SLX4: variants seen among roughly 807,000 people sequenced by gnomAD.
SLX4 encodes structure-specific endonuclease subunit SLX4.
Under a neutral mutation model 146.2 loss-of-function variants are expected in SLX4, and 112 were observed. The ratio of observed to expected loss-of-function variants is 0.77; its 90% confidence interval spans 0.66 to 0.90. The LOEUF (loss-of-function observed/expected upper bound fraction) is 0.90. SLX4 is among the 40% of genes least tolerant of loss of function. The pLI is 0.00. For missense variants in SLX4, 2,563 were observed against 2,392.7 expected, an observed-to-expected ratio of 1.07 and a Z score of -1.49; for synonymous variants, 1,061 against 997.7, an observed-to-expected ratio of 1.06 and a Z score of -1.20.
In SLX4 at chr16:3,590,360, T is replaced by G; in HGVS notation, c.3278A>C (p.Lys1093Thr). Residue 1093 changes from lysine to threonine, a missense_variant, in exon 12 of 15, where the codon AAA becomes ACA. Coordinates refer to ENST00000294008, the MANE Select transcript of SLX4 (RefSeq NM_032444.4). The surrounding 1 kb of genome is among the most constrained non-coding windows in gnomAD (Gnocchi z 4.8). ...KRDRSILTLS[K>T]EPGHQKGKER... ...TTTGCCTTTCTGGTGCCCTGGCTCT[T>G]TAGACAGCGTGAGGATGCTCCTGTC... The G allele has an allele frequency of 6.2e-7, 1 of 1,614,228 alleles. No individual in the cohort carries two copies. The highest frequency in any genetic ancestry group is 8.5e-7 in the Non-Finnish European group (1 of 1,180,030).
At chr16:3,601,338 G>A (rs979141192) in intron 4 of SLX4, 147 bp from the exon 5 acceptor site, 96 of 786,566 alleles carry the variant, frequency 1.2e-4, no homozygotes, top group Admixed American at 5.2e-4. Flanking sequence ...TCCGTCTCCC[G>A]GCAGTCAGCC....
chr16:3,597,301 T>C lies in SLX4; in HGVS notation c.1683+78A>G. On this transcript the variant is annotated intron_variant, in intron 7 of 14. Transcript: ENST00000294008. The surrounding 1 kb of genome is among the most constrained non-coding windows in gnomAD (Gnocchi z 4.4). ...TCCTGGACTTTCCATCACCTGGCTG[T>C]GGGTACCCAGTGTTGCAGTTCTGGG... 2 of 1,426,686 alleles carry C rather than the reference T, an allele frequency of 1.4e-6. No homozygotes were observed. Among genetic ancestry groups the C allele is most frequent in the Non-Finnish European group, 1.9e-6 (2 of 1,075,328 alleles). 88.4% of individuals were successfully genotyped at this position (1,426,686 alleles called of 1,614,324 possible). A position where few individuals can be genotyped will look rare whatever the true frequency, so the allele number is the denominator to read the frequency against.
Position 3,597,657 on chromosome 16 carries a change from G to C in SLX4, c.1405C>G (p.Pro469Ala), listed in dbSNP as rs763833617. 33 of 1,613,898 alleles carry C rather than the reference G, an allele frequency of 2.0e-5. No homozygotes were observed. The highest frequency in any genetic ancestry group is 9.3e-5 in the African/African-American group (7 of 74,906). Reference protein sequence around the residue: ...SRKKKPPVSPPLLLVQDSETT... With the variant: ...SRKKKPPVSPALLLVQDSETT... ...TCAGAGTCCTGGACTAACAACAATG[G>C]GGGGGATACCGGGGGTTTCTTCTTG... Residue 469 changes from proline to alanine, a missense_variant, in exon 7 of 15, where the codon CCA becomes GCA. Physicochemically the swap from Pro to Ala is conservative, Grantham distance 27. Coordinates refer to ENST00000294008, the MANE Select transcript of SLX4 (RefSeq NM_032444.4). The surrounding 1 kb of genome is among the most constrained non-coding windows in gnomAD (Gnocchi z 4.4).
In SLX4 at chr16:3,583,158, C is replaced by T; in HGVS notation, c.5092G>A (p.Ala1698Thr). The change falls in exon 14 of 15, where the codon GCC (alanine) becomes ACC (threonine). Residue 1698 changes from alanine to threonine, a missense_variant. By Grantham distance (58) the Ala-to-Thr change is moderately conservative. Coordinates refer to ENST00000294008, the MANE Select transcript of SLX4 (RefSeq NM_032444.4). ...PGLNDDAQIPASQESVATSVD... is the reference protein window; with the variant it reads ...PGLNDDAQIPTSQESVATSVD... ...GAGGTGGCCACGGATTCTTGAGAGG[C>T]TGGGATCTGGGCGTCATCATTGAGG... 1 of 1,614,250 alleles carries T rather than the reference C, an allele frequency of 6.2e-7. No individual in the cohort carries two copies. The highest frequency in any genetic ancestry group is 1.3e-5 in the African/African-American group (1 of 75,072).
rs565202250 is a variant in SLX4 at position 3,596,268 on chromosome 16, C to T, written c.1809G>A (p.Ser603=). ...GGGCCTGGTGCTCCCTCTGGCTGGCCGAAGGCGACGGGCCCCTGGAGCCAC... is the reference window on the plus strand; with the variant it reads ...GGGCCTGGTGCTCCCTCTGGCTGGCTGAAGGCGACGGGCCCCTGGAGCCAC... ...AGCGSRGPSP[S]ASQREHQALQ... is the part of the protein sequence containing the mutation. Residue 603 remains serine (S), a synonymous_variant, in exon 8 of 15, where the codon TCG becomes TCA. Transcript: ENST00000294008. 199 of 1,563,080 alleles carry T rather than the reference C, an allele frequency of 1.3e-4. 1 individual carries two copies. The highest frequency in any genetic ancestry group is 4.2e-4 in the South Asian group (36 of 85,368).
chr16:3,610,582 G>A (rs748380330), intron 1 of SLX4, among the ~76,000 whole-genome samples: 3 of 152,222 alleles, frequency 2.0e-5, no homozygotes, highest in Admixed American at 1.3e-4. Flanking sequence ...CTGGCCTAAA[G>A]CCAGTTCAGG....
rs1040370136 is a variant in SLX4 at position 3,589,909 on chromosome 16, G to A, written c.3729C>T (p.Ser1243=). 2 of 1,613,886 alleles carry A rather than the reference G, an allele frequency of 1.2e-6. No homozygotes were observed. Among genetic ancestry groups the A allele is most frequent in the South Asian group, 1.1e-5 (1 of 91,078 alleles). ...GAPWLFCDRE[S]SPSEASTTDT... ...CTGTGGTGCTGGCCTCGCTGGGGCT[G>A]CTCTCACGGTCACAGAACAGCCAGG... The change falls in exon 12 of 15, where the codon AGC becomes AGT. Residue 1243 remains serine, a synonymous_variant. Coordinates refer to ENST00000294008, the MANE Select transcript of SLX4 (RefSeq NM_032444.4). This position sits in a 1 kb window ranked among gnomAD's most constrained non-coding sequence, Gnocchi z 6.2.
chr16:3,599,100 T>C (rs2040699357), intron 5 of SLX4, among the ~76,000 whole-genome samples: 1 of 152,190 alleles, frequency 6.6e-6, no homozygotes, highest in African/African-American at 2.4e-5. Context: ...GAGCAGGTGC[T>C]TTTGGCGTGG....
rs777602041 is a variant in SLX4 at position 3,583,141 on chromosome 16, C to G, written c.5109G>C (p.Val1703=). Residue 1703 remains valine (V), a synonymous_variant, in exon 14 of 15, where the codon GTG becomes GTC. Transcript: ENST00000294008. ...TGTCACTGCCATCCACAGAGGTGGC[C>G]ACGGATTCTTGAGAGGCTGGGATCT... The part of the protein sequence containing the change: ...DAQIPASQES[V]ATSVDGSDSS... 6.2e-7 allele frequency: 1 copy of G among 1,614,252 alleles called. No homozygotes were observed. Among genetic ancestry groups the G allele is most frequent in the Non-Finnish European group, 8.5e-7 (1 of 1,180,046 alleles).
intron 9 of SLX4, 114 bp from the exon 10 acceptor site, chr16:3,594,713 G>A: frequency 2.1e-6 from 3 of 1,407,122 alleles, no homozygotes; most frequent in South Asian, 1.2e-5. Context: ...GCCAGGACCT[G>A]CATTCTCCTT....
chr16:3,591,891 A>G lies in SLX4; in HGVS notation c.2328-581T>C, dbSNP rs538362602. On this transcript the variant is annotated intron_variant, in intron 11 of 14. Coordinates refer to ENST00000294008, the MANE Select transcript of SLX4 (RefSeq NM_032444.4). ...TAAAAAAGGTCATGCATGGTGGCTC[A>G]TGCCCATAATCCCAGCACTTTGGGA... 1.1e-3 allele frequency among the ~76,000 whole-genome samples: 173 copies of G among 152,336 alleles called. 1 individual carries two copies. The highest frequency in any genetic ancestry group is 3.4e-3 in the Middle Eastern group (1 of 294).
chr16:3,604,213 T>G (rs116538706), intron 3 of SLX4, among the ~76,000 whole-genome samples: 2 of 141,714 alleles, frequency 1.4e-5, no homozygotes, highest in Non-Finnish European at 3.0e-5. Flanking sequence ...GCCAAGCCTC[T>G]GTCAAAAAAA....
Position 3,585,677 on chromosome 16 carries a change from G to A in SLX4, c.4637-806C>T, listed in dbSNP as rs139383679. Among the ~76,000 whole-genome samples, 201 of 150,408 alleles carry A rather than the reference G, an allele frequency of 1.3e-3. 2 individuals are homozygous for A. The highest frequency in any genetic ancestry group is 2.4e-3 in the Non-Finnish European group (163 of 67,820). On this transcript the variant is annotated intron_variant, in intron 12 of 14. Transcript: ENST00000294008. The stretch of plus-strand genomic sequence containing the variant: ...CCAATAAGCACATGAAAAGGTGCCC[G>A]ACATCATTAGTCATCAGGGAAATGC...
chr16:3,594,672 C>G (rs778915254), intron 9 of SLX4, 73 bp from the exon 10 acceptor site: 2 of 1,604,092 alleles, frequency 1.2e-6, no homozygotes, highest in Non-Finnish European at 1.7e-6. Context: ...GGAAGCTCCC[C>G]GCATGGAGGT....
At chr16:3,602,973 A>T (rs1262450797) in intron 3 of SLX4, among the ~76,000 whole-genome samples, 1 of 152,104 alleles carries the variant, frequency 6.6e-6, no homozygotes, top group Admixed American at 6.6e-5. Context: ...TAAATCCCCA[A>T]GTTCTTCATG....
chr16:3,584,988 T>C, intron 12 of SLX4, 117 bp from the exon 13 acceptor site: 1 of 842,270 alleles, frequency 1.2e-6, no homozygotes, highest in Non-Finnish European at 2.1e-6. Context: ...AGCATCGTTT[T>C]GCTCCATGAA....
intron 4 of SLX4, 175 bp downstream of exon 4, chr16:3,601,943 A>C: frequency 1.4e-6 from 1 of 697,308 alleles, no homozygotes; most frequent in Non-Finnish European, 2.4e-6. Flanking sequence ...AAATGGGTGA[A>C]CTATATGTTC....
chr16:3,585,037 C>A (rs2040492212), intron 12 of SLX4, among the ~76,000 whole-genome samples, 166 bp from the exon 13 acceptor site: 1 of 152,168 alleles, frequency 6.6e-6, no homozygotes, highest in South Asian at 2.1e-4. Context: ...GGAGCAGGGG[C>A]TTCCCAATGA....
intron 3 of SLX4, among the ~76,000 whole-genome samples, chr16:3,603,866 G>A (rs559311577): frequency 1.4e-4 from 21 of 152,288 alleles, no homozygotes; most frequent in African/African-American, 4.3e-4. Context: ...AGGAGTTAAC[G>A]ATCCCATAAA....
Sources: allele counts gnomAD v4.1 joint callset (sites outside exome capture counted in the v4.1 genomes callset), GRCh38; gene constraint gnomAD v4.1.1; non-coding constraint Gnocchi (gnomAD v3.1); transcripts MANE v1.5; gene names NCBI Gene and HGNC (gene_info 2026-07-23, HGNC 2026-07-21).